Variants in AGBL1 observed in about 807,000 individuals in gnomAD.
The protein encoded by AGBL1 is cytosolic carboxypeptidase 4.
Under a neutral mutation model 118.9 loss-of-function variants are expected in AGBL1, and 130 were observed. The observed-to-expected ratio is 1.09, with a 90% CI of 0.95 to 1.26. AGBL1 has a LOEUF of 1.26. Ranked by LOEUF, AGBL1 falls within the 50% of genes most tolerant of loss-of-function variation. AGBL1 has a pLI of 0.00. For missense variants in AGBL1, 1,584 were observed against 1,298.1 expected (o/e 1.22, Z -3.38); for synonymous variants, 555 against 478.9 (o/e 1.16, Z -2.08).
intron 18 of AGBL1, among the ~76,000 whole-genome samples, chr15:86,451,056 T>C (rs1194007113): frequency 1.3e-5 from 2 of 152,230 alleles, no homozygotes; most frequent in Non-Finnish European, 2.9e-5. Flanking sequence ...TGTATACATA[T>C]GTACAGACAT....
chr15:87,023,870 T>G (rs1309393078), intron 24 of AGBL1, among the ~76,000 whole-genome samples: 2 of 152,042 alleles, frequency 1.3e-5, no homozygotes, highest in Admixed American at 6.6e-5. Flanking sequence ...TTAAATAACC[T>G]GCTTCTGAAT....
At chr15:86,635,725 C>T (rs1354957452) in intron 21 of AGBL1, among the ~76,000 whole-genome samples, 1 of 152,092 alleles carries the variant, frequency 6.6e-6, no homozygotes, top group Non-Finnish European at 1.5e-5. Context: ...AAAATAGTTA[C>T]AAAAGTGAAT....
At chr15:86,302,545 G>A (rs1036473026) in intron 17 of AGBL1, among the ~76,000 whole-genome samples, 1 of 152,004 alleles carries the variant, frequency 6.6e-6, no homozygotes, top group African/African-American at 2.4e-5. Flanking sequence ...GGGAGGCCGA[G>A]GTGGGTGGAT....
chr15:86,863,826 T>G (rs1003328283), intron 22 of AGBL1, among the ~76,000 whole-genome samples: 1 of 152,202 alleles, frequency 6.6e-6, no homozygotes, highest in Non-Finnish European at 1.5e-5. Flanking sequence ...AGAAACTGTG[T>G]GATACTAAAG....
intron 9 of AGBL1, among the ~76,000 whole-genome samples, chr15:86,262,173 C>G (rs561246613): frequency 5.5e-4 from 80 of 145,890 alleles, no homozygotes; most frequent in African/African-American, 1.8e-3. Flanking sequence ...CTCCCATTCC[C>G]CAGTCTTAGT....
chr15:86,587,486 T>C (rs1238307829), intron 21 of AGBL1, among the ~76,000 whole-genome samples: 1 of 152,102 alleles, frequency 6.6e-6, no homozygotes, highest in African/African-American at 2.4e-5. Flanking sequence ...GGGGCTTGTG[T>C]TGGCTACGGT....
At chr15:86,372,836 A>G (rs1030308510) in intron 17 of AGBL1, among the ~76,000 whole-genome samples, 1 of 152,218 alleles carries the variant, frequency 6.6e-6, no homozygotes, top group Non-Finnish European at 1.5e-5. Flanking sequence ...AGCAGAAGGT[A>G]TCAAGGTAGT....
intron 22 of AGBL1, among the ~76,000 whole-genome samples, chr15:86,808,972 TGAATG>T (rs2141364167): frequency 6.6e-6 from 1 of 152,256 alleles, no homozygotes; most frequent in East Asian, 1.9e-4. Flanking sequence ...GAGATACTGA[TGAATG>T]GAAAAAGGCA....
chr15:86,971,932 T>C (rs545585627), intron 23 of AGBL1, among the ~76,000 whole-genome samples: 6 of 152,064 alleles, frequency 3.9e-5, no homozygotes, highest in Non-Finnish European at 8.8e-5. Flanking sequence ...CTTCCCACTT[T>C]GCTTGGCACT....
intron 22 of AGBL1, among the ~76,000 whole-genome samples, chr15:86,796,613 T>C (rs921010616): frequency 6.6e-6 from 1 of 152,336 alleles, no homozygotes; most frequent in East Asian, 1.9e-4. Flanking sequence ...CACTCTGAAA[T>C]GGCTTTGTTT....
At chr15:86,280,461 A>G (rs574340732) in intron 16 of AGBL1, among the ~76,000 whole-genome samples, 10 of 152,298 alleles carry the variant, frequency 6.6e-5, no homozygotes, top group African/African-American at 2.4e-4. Context: ...GAGAAAATGG[A>G]CTGCTTAAAC....
intron 22 of AGBL1, among the ~76,000 whole-genome samples, chr15:86,863,049 A>G (rs1005283673): frequency 2.0e-5 from 3 of 152,186 alleles, no homozygotes; most frequent in African/African-American, 7.2e-5. Context: ...ACGTGCTACC[A>G]TGCTGCAGGA....
chr15:86,279,794 C>T lies in AGBL1; in HGVS notation c.2220+11C>T. ...TACACAGCCCTCATGGTAACTTCCTCTTTATAGCATCACTCCAGCAGGACT... is the reference window on the plus strand; with the variant it reads ...TACACAGCCCTCATGGTAACTTCCTTTTTATAGCATCACTCCAGCAGGACT... On this transcript the variant is annotated intron_variant, in intron 16 of 22. Coordinates refer to ENST00000614907, the MANE Select transcript of AGBL1 (RefSeq NM_001386094.1). The T allele has an allele frequency of 6.2e-7, 1 of 1,613,368 alleles. No homozygotes were observed. Among genetic ancestry groups the T allele is most frequent in the Non-Finnish European group, 8.5e-7 (1 of 1,179,466 alleles).
intron 22 of AGBL1, among the ~76,000 whole-genome samples, chr15:86,758,125 A>G (rs911905063): frequency 6.6e-5 from 10 of 152,052 alleles, no homozygotes; most frequent in South Asian, 2.1e-4. Context: ...TCTGGAAACT[A>G]TACTATAGCA....
At chr15:86,232,358 T>C (rs1004031647) in intron 6 of AGBL1, among the ~76,000 whole-genome samples, 1 of 152,216 alleles carries the variant, frequency 6.6e-6, no homozygotes, top group Non-Finnish European at 1.5e-5. Context: ...GCTGTTCTTT[T>C]AGTTATCTTG....
chr15:86,974,885 T>G (rs1226183578), intron 23 of AGBL1, among the ~76,000 whole-genome samples: 1 of 151,814 alleles, frequency 6.6e-6, no homozygotes, highest in Admixed American at 6.6e-5. Flanking sequence ...TTCTGGGTGA[T>G]TATTTTGAAG....
intron 24 of AGBL1, among the ~76,000 whole-genome samples, chr15:87,005,171 G>C (rs1211909956): frequency 2.0e-5 from 3 of 152,100 alleles, no homozygotes; most frequent in Non-Finnish European, 4.4e-5. Context: ...ATGTGTCTTG[G>C]AGTTGCTCTT....
intron 18 of AGBL1, among the ~76,000 whole-genome samples, chr15:86,440,900 C>G (rs2142053819): frequency 6.6e-6 from 1 of 152,262 alleles, no homozygotes; most frequent in East Asian, 1.9e-4. Flanking sequence ...GCATCAGAAT[C>G]AGAATCAGGC....
chr15:86,874,977 G>T (rs947385131), intron 22 of AGBL1, among the ~76,000 whole-genome samples: 2 of 151,980 alleles, frequency 1.3e-5, no homozygotes, highest in African/African-American at 4.8e-5. Flanking sequence ...TGCCCTTAGG[G>T]ACCTGACAAG....
Sources: gnomAD v4.1 joint callset for allele counts (sites outside exome capture counted in the v4.1 genomes callset) on GRCh38, gnomAD v4.1.1 for gene constraint, MANE v1.5 for transcripts, NCBI Gene and HGNC (gene_info 2026-07-23, HGNC 2026-07-21) for gene names.